AMD1: variants seen among roughly 807,000 people sequenced by gnomAD.
AMD1 encodes S-adenosylmethionine decarboxylase proenzyme.
AMD1 carries 11 observed loss-of-function variants against 40.2 expected under a neutral mutation model. That is an observed-to-expected ratio of 0.27 (90% confidence interval 0.17 to 0.45). The LOEUF (loss-of-function observed/expected upper bound fraction) is 0.45, where lower values mean the gene tolerates loss of function less well. Among genes scored for constraint, AMD1 ranks in the 20% least tolerant of loss-of-function variants. AMD1 has a pLI of 1.00. For missense variants in AMD1, 257 were observed against 410.2 expected (o/e 0.63, Z 3.23); for synonymous variants, 121 against 130.8 (o/e 0.93, Z 0.51).
chr6:110,873,405 C>G (rs1252822656), upstream of AMD1, among the ~76,000 whole-genome samples: 1 of 152,220 alleles, frequency 6.6e-6, no homozygotes, highest in African/African-American at 2.4e-5. Context: ...GTACCTAGCT[C>G]ACAACATAGC....
chr6:110,856,639 A>G, the AMD1 span: 3 of 152,178 alleles, frequency 2.0e-5, no homozygotes, highest in African/African-American at 7.2e-5. Flanking sequence ...TGTGGCAGGG[A>G]AGATTTTCTG....
chr6:110,820,734 C>G, the AMD1 span, among the ~76,000 whole-genome samples: 4 of 152,070 alleles, frequency 2.6e-5, no homozygotes, highest in African/African-American at 9.6e-5. Flanking sequence ...AAACCCCCAT[C>G]TTTACTAAAA....
At chr6:110,847,065 T>TGTGTGTG in the AMD1 span, among the ~76,000 whole-genome samples, 2 of 85,112 alleles carry the variant, frequency 2.3e-5, no homozygotes, top group Non-Finnish European at 2.3e-5. Context: ...GTGTGTGTGG[T>TGTGTGTG]GTGTGTGTGT....
At position 110,875,074 on chromosome 6, in the gene AMD1, G is replaced by GTGGTTGT; in HGVS notation, c.-23_-17dup. 1 of 1,556,120 alleles carries GTGGTTGT rather than the reference G, an allele frequency of 6.4e-7. No individual in the cohort carries two copies. The highest frequency in any genetic ancestry group is 8.8e-7 in the Non-Finnish European group (1 of 1,134,738). On this transcript the variant is annotated 5_prime_UTR_variant, in exon 1 of 9. Transcript: ENST00000368885. The stretch of plus-strand genomic sequence containing the variant: ...AGAGGTTTAATTTAGTTGATTTTCT[G>GTGGTTGT]TGGTTGTTGGTTGTTCGCTAGTCTC...
At chr6:110,851,344 G>A in the AMD1 span, among the ~76,000 whole-genome samples, 5 of 152,198 alleles carry the variant, frequency 3.3e-5, no homozygotes, top group South Asian at 6.2e-4. Context: ...TCAAGCAATC[G>A]CCCTGCCTTG....
chr6:110,858,697 C>A, the AMD1 span: 1 of 829,372 alleles, frequency 1.2e-6, no homozygotes, highest in Non-Finnish European at 2.0e-6. Context: ...AGGAGCCGAA[C>A]TTCGACGACG....
chr6:110,858,001 A>G, the AMD1 span, among the ~76,000 whole-genome samples: 1 of 151,468 alleles, frequency 6.6e-6, no homozygotes, highest in South Asian at 2.1e-4. Flanking sequence ...GGCCCCAATA[A>G]CTTATTATTT....
upstream of AMD1, among the ~76,000 whole-genome samples, chr6:110,872,145 T>C (rs1784929414): frequency 6.6e-6 from 1 of 152,150 alleles, no homozygotes; most frequent in South Asian, 2.1e-4. Context: ...GAATTGCCAT[T>C]TCAGTCAAGT....
chr6:110,874,650 CA>C (rs1784996204), upstream of AMD1: 1 of 155,552 alleles, frequency 6.4e-6, no homozygotes, highest in Non-Finnish European at 1.4e-5. Flanking sequence ...GGCCCTCGGC[CA>C]GCCAGCCGCC....
the AMD1 span, among the ~76,000 whole-genome samples, chr6:110,866,908 G>A: frequency 1.3e-4 from 20 of 151,874 alleles, no homozygotes; most frequent in African/African-American, 4.3e-4. Context: ...CCGCCTCCCC[G>A]GTTCAAGCTA....
At chr6:110,841,278 T>A in the AMD1 span, among the ~76,000 whole-genome samples, 20 of 152,368 alleles carry the variant, frequency 1.3e-4, no homozygotes, top group Admixed American at 1.2e-3. Context: ...TCTTAAGTGT[T>A]ATAAATGATA....
chr6:110,833,919 A>G, the AMD1 span, among the ~76,000 whole-genome samples: 1 of 152,174 alleles, frequency 6.6e-6, no homozygotes, highest in Non-Finnish European at 1.5e-5. Flanking sequence ...ACTCTTGCTT[A>G]TGTGGTTTAT....
Position 110,894,567 on chromosome 6 carries a change from C to T in AMD1, c.*951C>T, listed in dbSNP as rs945094234. The T allele has an allele frequency of 1.3e-5, 2 of 152,178 alleles. No homozygotes were observed. Among genetic ancestry groups the T allele is most frequent in the African/African-American group, 4.8e-5 (2 of 41,442 alleles). 9.4% of individuals were successfully genotyped at this position (152,178 alleles called of 1,614,324 possible). On this transcript the variant is annotated 3_prime_UTR_variant, in exon 9 of 9. Coordinates refer to ENST00000368885, the MANE Select transcript of AMD1 (RefSeq NM_001634.6). ...GATTAGCGTCTAATGAGTAGCACCC[C>T]TTTACTAACTTAGTAGTAGTATAAA...
chr6:110,884,961 AAAATCTG>A (rs1373334741), intron 1 of AMD1, among the ~76,000 whole-genome samples: 2 of 152,192 alleles, frequency 1.3e-5, no homozygotes, highest in Non-Finnish European at 2.9e-5. Context: ...AAGCTCTTTA[AAAATCTG>A]AAATTGTAAT....
the AMD1 span, among the ~76,000 whole-genome samples, chr6:110,820,464 G>A: frequency 5.3e-5 from 8 of 151,830 alleles, no homozygotes; most frequent in Non-Finnish European, 8.8e-5. Flanking sequence ...TCCAACTCCC[G>A]ACCTCCAGGT....
upstream of AMD1, among the ~76,000 whole-genome samples, chr6:110,872,506 G>A (rs1379146857): frequency 6.6e-6 from 1 of 152,178 alleles, no homozygotes; most frequent in East Asian, 1.9e-4. Flanking sequence ...ACTCTTGATA[G>A]AAATGGGGCT....
At chr6:110,844,166 T>A in the AMD1 span, among the ~76,000 whole-genome samples, 2 of 148,214 alleles carry the variant, frequency 1.3e-5, no homozygotes, top group African/African-American at 5.0e-5. Context: ...CCAAGTTGGA[T>A]CACTTGAGCC....
the AMD1 span, among the ~76,000 whole-genome samples, chr6:110,860,838 CA>C: frequency 5.9e-4 from 84 of 141,430 alleles, no homozygotes; most frequent in Admixed American, 9.5e-4. Context: ...CCCACCCACA[CA>C]CACACACACA....
At chr6:110,843,235 G>T in the AMD1 span, among the ~76,000 whole-genome samples, 1 of 151,996 alleles carries the variant, frequency 6.6e-6, no homozygotes, top group Non-Finnish European at 1.5e-5. Context: ...GGCCTGGGCG[G>T]GCGGATCCCC....
Sources: allele counts gnomAD v4.1 joint callset (sites outside exome capture counted in the v4.1 genomes callset), GRCh38; gene constraint gnomAD v4.1.1; transcripts MANE v1.5; gene names NCBI Gene and HGNC (gene_info 2026-07-23, HGNC 2026-07-21).